Variants in GALNT13 observed in about 807,000 individuals in gnomAD.
The protein encoded by GALNT13 is UDP-GalNAc:polypeptide N-acetylgalactosaminyltransferase 13.
Under a neutral mutation model 64.2 loss-of-function variants are expected in GALNT13, and 28 were observed. The observed-to-expected ratio is 0.44, with a 90% CI of 0.32 to 0.60. The LOEUF (loss-of-function observed/expected upper bound fraction) is 0.60, where lower values mean the gene tolerates loss of function less well. Ranked by LOEUF, GALNT13 falls within the 20% of genes least tolerant of loss-of-function variation. The probability of loss-of-function intolerance (pLI) is 0.05; values close to 1 mark genes in which losing one functional copy is unlikely to be tolerated. For missense variants in GALNT13, 577 were observed against 669.8 expected, an observed-to-expected ratio of 0.86 and a Z score of 1.53; for synonymous variants, 214 against 224.6, an observed-to-expected ratio of 0.95 and a Z score of 0.42.
At chr2:154,270,122 A>C (rs1015129135) in intron 8 of GALNT13, among the ~76,000 whole-genome samples, 2 of 151,512 alleles carry the variant, frequency 1.3e-5, no homozygotes, top group Non-Finnish European at 3.0e-5. Flanking sequence ...CTTTAGAAGA[A>C]CATTAGCAAA....
At chr2:153,540,749 G>A in the GALNT13 span, among the ~76,000 whole-genome samples, 5 of 152,196 alleles carry the variant, frequency 3.3e-5, no homozygotes, top group Admixed American at 6.5e-5. Flanking sequence ...TGACTGCCCC[G>A]CTGGGTTTCA....
chr2:153,248,670 G>C, the GALNT13 span, among the ~76,000 whole-genome samples: 6 of 151,784 alleles, frequency 4.0e-5, no homozygotes, highest in Non-Finnish European at 7.4e-5. Flanking sequence ...AAAAAAATTA[G>C]CTGGGCGTGG....
chr2:153,102,847 T>C, the GALNT13 span, among the ~76,000 whole-genome samples: 4 of 152,134 alleles, frequency 2.6e-5, no homozygotes, highest in East Asian at 7.7e-4. Context: ...TTTTTACCAA[T>C]ATTGTCATGG....
chr2:153,583,706 G>C, the GALNT13 span, among the ~76,000 whole-genome samples: 1 of 152,134 alleles, frequency 6.6e-6, no homozygotes, highest in Admixed American at 6.5e-5. Flanking sequence ...TGCCCCTTTT[G>C]AGACCCCAGC....
At chr2:154,188,014 TTCTCTC>T (rs10635676) in intron 4 of GALNT13, among the ~76,000 whole-genome samples, 78 of 144,426 alleles carry the variant, frequency 5.4e-4, no homozygotes, top group African/African-American at 1.4e-3. Context: ...GCATCAGGCA[TTCTCTC>T]TCTCTCTCTC....
chr2:153,179,033 G>A, the GALNT13 span, among the ~76,000 whole-genome samples: 8,126 of 151,860 alleles, frequency 0.054, 705 homozygotes, highest in African/African-American at 0.18. Flanking sequence ...GTCAGCCACC[G>A]CACCCAGCCA....
the GALNT13 span, among the ~76,000 whole-genome samples, chr2:153,685,061 C>T: frequency 6.6e-6 from 1 of 151,698 alleles, no homozygotes; most frequent in Middle Eastern, 3.4e-3. Flanking sequence ...CATTACTGGG[C>T]TATCATTTAA....
chr2:153,277,419 T>C, the GALNT13 span, among the ~76,000 whole-genome samples: 292 of 152,352 alleles, frequency 1.9e-3, 1 homozygote, highest in African/African-American at 6.8e-3. Context: ...TATTCTGTGG[T>C]ATATATGTAT....
At chr2:153,457,061 T>G in the GALNT13 span, among the ~76,000 whole-genome samples, 1 of 152,198 alleles carries the variant, frequency 6.6e-6, no homozygotes, top group Non-Finnish European at 1.5e-5. Flanking sequence ...TCTCCTACTT[T>G]GAGCAAGTGC....
the GALNT13 span, among the ~76,000 whole-genome samples, chr2:153,632,567 A>G: frequency 6.6e-6 from 1 of 151,838 alleles, no homozygotes; most frequent in Admixed American, 6.6e-5. Flanking sequence ...TGATTCTTGC[A>G]CTCCCTCTGT....
intron 1 of GALNT13, among the ~76,000 whole-genome samples, chr2:153,883,327 C>T (rs972040241): frequency 4.0e-5 from 6 of 151,748 alleles, no homozygotes; most frequent in South Asian, 2.1e-4. Flanking sequence ...CCTAATTGGA[C>T]GTCTAGTAAG....
the GALNT13 span, among the ~76,000 whole-genome samples, chr2:153,390,305 C>T: frequency 3.9e-5 from 6 of 152,058 alleles, no homozygotes; most frequent in South Asian, 6.2e-4. Context: ...ACACCAGGGC[C>T]TGTCGGGAGG....
At chr2:153,191,278 A>T in the GALNT13 span, among the ~76,000 whole-genome samples, 1 of 152,094 alleles carries the variant, frequency 6.6e-6, no homozygotes, top group Non-Finnish European at 1.5e-5. Flanking sequence ...TGTATTTATC[A>T]TGAAGTGATG....
At chr2:153,806,045 C>T in the GALNT13 span, among the ~76,000 whole-genome samples, 1 of 151,922 alleles carries the variant, frequency 6.6e-6, no homozygotes, top group Non-Finnish European at 1.5e-5. Context: ...CAATGACCAC[C>T]TCAGAAACAA....
intron 9 of GALNT13, among the ~76,000 whole-genome samples, chr2:154,349,708 T>A (rs1277255066): frequency 6.6e-6 from 1 of 152,168 alleles, no homozygotes; most frequent in East Asian, 1.9e-4. Flanking sequence ...GATGGACATA[T>A]CCAGAATCAG....
intron 3 of GALNT13, among the ~76,000 whole-genome samples, chr2:153,966,909 G>C (rs1083139): frequency 1 from 151,422 of 152,114 alleles, 75,372 homozygotes; most frequent in Middle Eastern, 1. Flanking sequence ...TGTGGGATTA[G>C]TTCATTCTTT....
At chr2:153,887,061 A>G (rs1377617341) in intron 1 of GALNT13, among the ~76,000 whole-genome samples, 1 of 152,012 alleles carries the variant, frequency 6.6e-6, no homozygotes, top group East Asian at 1.9e-4. Flanking sequence ...TGGAGATAAT[A>G]GTCATAGTAG....
the GALNT13 span, among the ~76,000 whole-genome samples, chr2:153,779,298 G>C: frequency 1.4e-4 from 22 of 152,124 alleles, no homozygotes; most frequent in Admixed American, 1.3e-4. Context: ...AGTAATTAAA[G>C]TGTGGAAAGT....
chr2:153,930,942 T>G (rs1262788921), intron 2 of GALNT13, among the ~76,000 whole-genome samples: 2 of 152,110 alleles, frequency 1.3e-5, no homozygotes, highest in Non-Finnish European at 2.9e-5. Context: ...GTATTGATTC[T>G]TCCTTCTCAT....
Sources: gnomAD v4.1 joint callset for allele counts (sites outside exome capture counted in the v4.1 genomes callset) on GRCh38, gnomAD v4.1.1 for gene constraint, MANE v1.5 for transcripts, NCBI Gene and HGNC (gene_info 2026-07-23, HGNC 2026-07-21) for gene names.